ABI3BP: variants seen among roughly 807,000 people sequenced by gnomAD.
The protein encoded by ABI3BP is ABI family member 3 binding protein, also known as target of Nesh-SH3.
In ABI3BP, 216 loss-of-function variants were observed where a neutral mutation model predicts 268.6. The ratio of observed to expected loss-of-function variants is 0.80; its 90% CI spans 0.72 to 0.90. ABI3BP has a LOEUF of 0.90. ABI3BP is among the 40% of genes least tolerant of loss of function. The probability of loss-of-function intolerance (pLI) is 0.00; values close to 1 mark genes in which losing one functional copy is unlikely to be tolerated. For missense variants in ABI3BP, 2,090 were observed against 2,182.4 expected (o/e 0.96, Z 0.84); for synonymous variants, 730 against 730.0 (o/e 1.00, Z 0.00).
At chr3:100,865,702 G>A (rs1217407750) in intron 10 of ABI3BP, among the ~76,000 whole-genome samples, 2 of 152,196 alleles carry the variant, frequency 1.3e-5, no homozygotes, top group African/African-American at 4.8e-5. Context: ...AAACTCTGAG[G>A]AGGGTTTGGC....
intron 1 of ABI3BP, among the ~76,000 whole-genome samples, chr3:100,966,890 T>C (rs973887781): frequency 1.3e-5 from 2 of 152,192 alleles, no homozygotes; most frequent in African/African-American, 4.8e-5. Flanking sequence ...ACCAAAGAAC[T>C]TCACCACGTT....
chr3:100,772,752 T>C (rs865787140), intron 61 of ABI3BP, among the ~76,000 whole-genome samples: 1 of 152,002 alleles, frequency 6.6e-6, no homozygotes, highest in East Asian at 1.9e-4. Context: ...CCAATATCAA[T>C]AGCCATATTA....
At chr3:100,840,749 G>A (rs1028983727) in intron 22 of ABI3BP, 71 bp downstream of exon 22, 4 of 1,296,780 alleles carry the variant, frequency 3.1e-6, no homozygotes, top group Non-Finnish European at 2.1e-6. Flanking sequence ...TCATTAATGT[G>A]AGTCTGTCAA....
intron 1 of ABI3BP, among the ~76,000 whole-genome samples, chr3:100,942,130 T>A (rs1159295797): frequency 6.6e-6 from 1 of 152,096 alleles, no homozygotes; most frequent in Non-Finnish European, 1.5e-5. Context: ...TACTGGGTAG[T>A]AGGCATTAGT....
intron 1 of ABI3BP, among the ~76,000 whole-genome samples, chr3:100,927,551 T>A (rs1161030620): frequency 6.6e-6 from 1 of 152,096 alleles, no homozygotes; most frequent in Non-Finnish European, 1.5e-5. Context: ...GAAGCATGGC[T>A]GGGGAAATGC....
At chr3:100,981,058 C>A (rs902013431) in intron 1 of ABI3BP, among the ~76,000 whole-genome samples, 2 of 152,158 alleles carry the variant, frequency 1.3e-5, no homozygotes, top group Non-Finnish European at 2.9e-5. Flanking sequence ...CCAAAGCCAT[C>A]TAGGAATGCT....
At chr3:100,948,739 T>G (rs2073653063) in intron 1 of ABI3BP, among the ~76,000 whole-genome samples, 1 of 152,186 alleles carries the variant, frequency 6.6e-6, no homozygotes. Flanking sequence ...TTGAGTATCC[T>G]TTATCCTAAA....
chr3:100,898,836 C>T lies in ABI3BP; in HGVS notation c.387G>A (p.Ser129=), dbSNP rs2245370. 874,903 of 1,612,906 alleles carry T rather than the reference C, an allele frequency of 0.54. 246,519 individuals carry two copies. Among genetic ancestry groups the T allele is most frequent in the East Asian group, 0.91 (40,743 of 44,838 alleles). Residue 129 remains serine (S), a synonymous_variant, in exon 4 of 68, where the codon TCG becomes TCA. Coordinates refer to ENST00000471714, the MANE Select transcript of ABI3BP (RefSeq NM_001375547.2). The part of the protein sequence containing the change: ...QLVVGTLTPS[S]VFLSWGFLIN... Reference sequence around the variant, plus strand: ...TGAGGAAACCCCAGGACAGGAAGACCGAGCTCGGTGTCAGAGTGCCAACCA... The same window carrying T: ...TGAGGAAACCCCAGGACAGGAAGACTGAGCTCGGTGTCAGAGTGCCAACCA...
intron 9 of ABI3BP, among the ~76,000 whole-genome samples, chr3:100,873,650 G>A (rs763210012): frequency 6.6e-6 from 1 of 152,094 alleles, no homozygotes; most frequent in Non-Finnish European, 1.5e-5. Flanking sequence ...AAATATTTGG[G>A]TTATATCTTA....
At chr3:100,967,986 T>G (rs2082012191) in intron 1 of ABI3BP, among the ~76,000 whole-genome samples, 1 of 151,922 alleles carries the variant, frequency 6.6e-6, no homozygotes, top group African/African-American at 2.4e-5. Flanking sequence ...ATGACTGAGA[T>G]TAGGAGGGGG....
rs1199347251 is a variant in ABI3BP, at chr3:100,841,952, G to A, written c.1765+46C>T. ...AGCTGAACAAAGTTGAACATGGAGA[G>A]TGTTAAAGATACTTTGTTTTCACTC... On this transcript the variant is annotated intron_variant, in intron 21 of 67. Transcript: ENST00000471714. 5.9e-6 allele frequency: 8 copies of A among 1,348,968 alleles called. No individual in the cohort carries two copies. In the African/African-American group the frequency reaches 1.2e-4, roughly 20 times the overall value. The allele number at this position is 1,348,968 out of a possible 1,614,324, so 83.6% of individuals were successfully genotyped here.
At chr3:100,840,610 A>G (rs143358626) in intron 22 of ABI3BP, among the ~76,000 whole-genome samples, 1 of 152,328 alleles carries the variant, frequency 6.6e-6, no homozygotes, top group East Asian at 1.9e-4. Flanking sequence ...TAAATTCACT[A>G]ATTATGTCAG....
At chr3:100,950,111 C>T (rs1476570029) in intron 1 of ABI3BP, among the ~76,000 whole-genome samples, 2 of 152,054 alleles carry the variant, frequency 1.3e-5, no homozygotes, top group Admixed American at 1.3e-4. Flanking sequence ...TTTCAGTGTA[C>T]TTTGAATTTT....
intron 14 of ABI3BP, among the ~76,000 whole-genome samples, chr3:100,861,696 G>GAAAA (rs5851228): frequency 7.0e-6 from 1 of 142,686 alleles, no homozygotes; most frequent in Admixed American, 7.0e-5. Context: ...TTCTCCACAG[G>GAAAA]AAAAAAAAAA....
intron 57 of ABI3BP, among the ~76,000 whole-genome samples, chr3:100,782,355 T>A (rs1020466338): frequency 2.6e-5 from 4 of 152,138 alleles, no homozygotes; most frequent in Admixed American, 6.5e-5. Flanking sequence ...CTTTTTTTTT[T>A]ATCCAGGGAG....
chr3:100,918,272 T>TCATCCACCCGTCCACC (rs1372395785), intron 2 of ABI3BP, among the ~76,000 whole-genome samples: 30 of 150,256 alleles, frequency 2.0e-4, no homozygotes, highest in African/African-American at 6.8e-4. Flanking sequence ...TCCCACCTAT[T>TCATCCACCCGTCCACC]CATCCACCCG....
intron 55 of ABI3BP, among the ~76,000 whole-genome samples, chr3:100,790,010 C>A (rs1463659427): frequency 6.6e-6 from 1 of 152,002 alleles, no homozygotes; most frequent in Non-Finnish European, 1.5e-5. Context: ...ATCAAATGGT[C>A]TTTGCTCATG....
At chr3:100,797,443 T>G (rs1242635451) in intron 51 of ABI3BP, among the ~76,000 whole-genome samples, 1 of 152,048 alleles carries the variant, frequency 6.6e-6, no homozygotes, top group Admixed American at 6.6e-5. Context: ...ACACTAAACC[T>G]TTCATACACA....
At chr3:100,773,637 A>C (rs2096618311) in intron 61 of ABI3BP, among the ~76,000 whole-genome samples, 1 of 152,246 alleles carries the variant, frequency 6.6e-6, no homozygotes, top group Admixed American at 6.5e-5. Context: ...ATACAAAGAC[A>C]TGTACATGAA....
Sources: allele counts gnomAD v4.1 joint callset (sites outside exome capture counted in the v4.1 genomes callset), GRCh38; gene constraint gnomAD v4.1.1; transcripts MANE v1.5; gene names NCBI Gene and HGNC (gene_info 2026-07-23, HGNC 2026-07-21).